The following CDC42BPA variants were observed in gnomAD, a reference collection of about 807,000 sequenced individuals.
The protein encoded by CDC42BPA is CDC42 binding protein kinase alpha.
Under a neutral mutation model 223.5 loss-of-function variants are expected in CDC42BPA, and 80 were observed. The observed-to-expected ratio is 0.36, with a 90% CI of 0.30 to 0.43. The LOEUF is 0.43. Among genes scored for constraint, CDC42BPA ranks in the 20% least tolerant of loss-of-function variants. The probability of loss-of-function intolerance (pLI) is 1.00; values close to 1 mark genes in which losing one functional copy is unlikely to be tolerated. For missense variants in CDC42BPA, 1,743 were observed against 2,099.9 expected, an observed-to-expected ratio of 0.83 and a Z score of 3.32; for synonymous variants, 694 against 718.6, an observed-to-expected ratio of 0.97 and a Z score of 0.55.
chr1:227,130,033 G>A (rs564307095), intron 10 of CDC42BPA, among the ~76,000 whole-genome samples: 2 of 152,104 alleles, frequency 1.3e-5, no homozygotes, highest in East Asian at 1.9e-4. Context: ...AATTTATCTT[G>A]CACTTCTAAT....
intron 16 of CDC42BPA, among the ~76,000 whole-genome samples, chr1:227,084,857 A>C (rs1489691215): frequency 7.1e-6 from 1 of 140,078 alleles, no homozygotes; most frequent in African/African-American, 2.7e-5. Flanking sequence ...GTAACACTTG[A>C]ATTGGGAGAG....
chr1:227,318,119 G>GC lies in CDC42BPA; in HGVS notation c.-938_-937insG, dbSNP rs71180731. The GC allele has an allele frequency of 1, 204,662 of 204,712 alleles. 102,306 individuals are homozygous for GC. Among genetic ancestry groups the GC allele is most frequent in the Middle Eastern group, 1 (554 of 554 alleles). The allele number at this position is 204,712 out of a possible 1,614,324, so 12.7% of individuals were successfully genotyped here. A position where few individuals can be genotyped will look rare whatever the true frequency, so the allele number is the denominator to read the frequency against. ...GCCCGGTCTCCCCGACACCCGCACCGGGCCGCCGCGCCGGAGGCTCCCGAC... is the reference window on the plus strand; with the variant it reads ...GCCCGGTCTCCCCGACACCCGCACCGCGGCCGCCGCGCCGGAGGCTCCCGAC... On this transcript the variant is annotated 5_prime_UTR_variant, in exon 1 of 37. Transcript: ENST00000366766.
intron 1 of CDC42BPA, among the ~76,000 whole-genome samples, chr1:227,314,287 C>T (rs547386883): frequency 6.6e-6 from 1 of 152,146 alleles, no homozygotes; most frequent in East Asian, 1.9e-4. Context: ...ATACTATTTA[C>T]TATAAATGAA....
chr1:227,035,892 A>G (rs1572395440), intron 24 of CDC42BPA, among the ~76,000 whole-genome samples: 1 of 152,310 alleles, frequency 6.6e-6, no homozygotes, highest in South Asian at 2.1e-4. Context: ...TGTGAATAAA[A>G]TGATTGATTT....
In CDC42BPA at chr1:227,112,416, C is replaced by G. The variant is rs1179579889; in HGVS notation, c.1897G>C (p.Val633Leu). 6.3e-7 allele frequency: 1 copy of G among 1,592,374 alleles called. No individual in the cohort carries two copies. Among genetic ancestry groups the G allele is most frequent in the Non-Finnish European group, 8.6e-7 (1 of 1,169,112 alleles). The change falls in exon 14 of 37, where the codon GTT (valine) becomes CTT (leucine). Residue 633 changes from valine (V) to leucine (L), a missense_variant. Transcript: ENST00000366766. ...RTERAKKELE[V>L]HTEALAAEAS... ...TCAGCAGCTAGAGCTTCTGTATGAACTTCCAGCTTTAAAACAGAATGAAAA... is the reference window on the plus strand; with the variant it reads ...TCAGCAGCTAGAGCTTCTGTATGAAGTTCCAGCTTTAAAACAGAATGAAAA...
intron 1 of CDC42BPA, among the ~76,000 whole-genome samples, chr1:227,281,666 C>T (rs1191410563): frequency 6.6e-6 from 1 of 151,646 alleles, no homozygotes; most frequent in Non-Finnish European, 1.5e-5. Context: ...CTCTGAGAAC[C>T]CTCCCAACCA....
At position 227,129,920 on chromosome 1, in the gene CDC42BPA, AAATGC is replaced by A. The variant is rs1558564304; in HGVS notation, c.1391-694_1391-690del. Among the ~76,000 whole-genome samples the A allele has an allele frequency of 3.3e-5, 5 of 152,186 alleles. No homozygotes were observed. The East Asian group carries it at 9.7e-4, about 29-fold the overall frequency. On this transcript the variant is annotated intron_variant, in intron 10 of 36. Coordinates refer to ENST00000366766, the MANE Select transcript of CDC42BPA (RefSeq NM_001394014.1). ...TAGGCATGTTAATATACATATGCAG[AAATGC>A]TGGCCTTCCAAATTTTATGTCTGAA...
At position 227,275,180 on chromosome 1, in the gene CDC42BPA, A is replaced by T. The variant is rs115280033; in HGVS notation, c.179-21025T>A. 4.0e-3 allele frequency among the ~76,000 whole-genome samples: 599 copies of T among 149,422 alleles called. 5 individuals are homozygous for T. The highest frequency in any genetic ancestry group is 0.014 in the African/African-American group (580 of 40,282). ...AATATTTTAAACTAATGGCTCTTTT[A>T]AAAAAGCATTGGAAATTAAGACATA... On this transcript the variant is annotated intron_variant, in intron 1 of 36. Coordinates refer to ENST00000366766, the MANE Select transcript of CDC42BPA (RefSeq NM_001394014.1).
At position 227,272,727 on chromosome 1, in the gene CDC42BPA, T is replaced by A. The variant is rs376335691; in HGVS notation, c.179-18572A>T. On this transcript the variant is annotated intron_variant, in intron 1 of 36. Transcript: ENST00000366766. ...TGAGCTACTGCTCCTGGCCCTGTAA[T>A]TTCAAAAATAAATTATAAGTTGATT... Among the ~76,000 whole-genome samples, 9 of 152,298 alleles carry A rather than the reference T, an allele frequency of 5.9e-5. No homozygotes were observed. In the East Asian group the frequency reaches 1.7e-3, roughly 29 times the overall value.
intron 6 of CDC42BPA, among the ~76,000 whole-genome samples, chr1:227,153,765 T>C (rs1286952238): frequency 6.6e-6 from 1 of 151,808 alleles, no homozygotes; most frequent in Non-Finnish European, 1.5e-5. Context: ...CAAAACAAAA[T>C]AAAATAGAAG....
chr1:227,244,569 C>T (rs1313188089), intron 2 of CDC42BPA, among the ~76,000 whole-genome samples: 1 of 151,798 alleles, frequency 6.6e-6, no homozygotes, highest in Non-Finnish European at 1.5e-5. Flanking sequence ...TTTATACAAA[C>T]TCATACAAAT....
chr1:227,115,864 GAA>G (rs1687697278), intron 12 of CDC42BPA, among the ~76,000 whole-genome samples: 1 of 135,020 alleles, frequency 7.4e-6, no homozygotes, highest in East Asian at 2.2e-4. Flanking sequence ...TCAAAAAAAA[GAA>G]AAGAGGAAAA....
intron 15 of CDC42BPA, among the ~76,000 whole-genome samples, chr1:227,093,767 C>A (rs1199497589): frequency 6.6e-6 from 1 of 152,160 alleles, no homozygotes; most frequent in Non-Finnish European, 1.5e-5. Context: ...CAGTCCTCAA[C>A]CTTGGCCCAA....
At chr1:227,048,215 A>G (rs1406612285) in intron 22 of CDC42BPA, among the ~76,000 whole-genome samples, 1 of 152,116 alleles carries the variant, frequency 6.6e-6, no homozygotes, top group Non-Finnish European at 1.5e-5. Flanking sequence ...TACGAATGAA[A>G]TATTTGTTCA....
chr1:227,062,762 GCTTTGT>G (rs893185969), intron 21 of CDC42BPA, among the ~76,000 whole-genome samples: 1 of 151,204 alleles, frequency 6.6e-6, no homozygotes, highest in Non-Finnish European at 1.5e-5. Context: ...TTCCACATCT[GCTTTGT>G]CTTTGTATCC....
At chr1:227,110,571 G>A (rs1686757087) in intron 14 of CDC42BPA, among the ~76,000 whole-genome samples, 2 of 152,080 alleles carry the variant, frequency 1.3e-5, no homozygotes, top group Admixed American at 6.5e-5. Context: ...TAACTCTTCT[G>A]ACCCTCAATT....
At chr1:227,225,701 C>T (rs144359855) in intron 2 of CDC42BPA, among the ~76,000 whole-genome samples, 126 of 152,194 alleles carry the variant, frequency 8.3e-4, no homozygotes, top group African/African-American at 2.9e-3. Context: ...TTCTTTCTGC[C>T]GCAATTCTTT....
At position 227,074,301 on chromosome 1, in the gene CDC42BPA, T is replaced by C; in HGVS notation, c.2544A>G (p.Glu848=). Reference sequence around the variant, plus strand: ...AGCTGGAATTTCTTAATGCCTCCAATTCTTCAGTCATTTTAGAAGCTAAGG... The same window carrying C: ...AGCTGGAATTTCTTAATGCCTCCAACTCTTCAGTCATTTTAGAAGCTAAGG... ...LQALASKMTE[E]LEALRNSSLG... is the part of the protein sequence containing the mutation. Residue 848 remains glutamate (E), a synonymous_variant, in exon 18 of 37, where the codon GAA becomes GAG. Coordinates refer to ENST00000366766, the MANE Select transcript of CDC42BPA (RefSeq NM_001394014.1). 1.2e-6 allele frequency: 2 copies of C among 1,613,846 alleles called. No homozygotes were observed. Among genetic ancestry groups the C allele is most frequent in the Non-Finnish European group, 1.7e-6 (2 of 1,179,776 alleles).
intron 4 of CDC42BPA, among the ~76,000 whole-genome samples, chr1:227,198,438 C>CAAAAAAAAAAAAAAAAA (rs1176604134): frequency 1.9e-5 from 1 of 51,512 alleles, no homozygotes; most frequent in Non-Finnish European, 3.9e-5. Context: ...ATCCAGCAAA[C>CAAAAAAAAAAAAAAAAA]AAAAAAAAAA....
Sources: gnomAD v4.1 joint callset for allele counts (sites outside exome capture counted in the v4.1 genomes callset) on GRCh38, gnomAD v4.1.1 for gene constraint, MANE v1.5 for transcripts, NCBI Gene and HGNC (gene_info 2026-07-23, HGNC 2026-07-21) for gene names.